Variants in IMMP2L observed in about 807,000 individuals in gnomAD.
IMMP2L encodes mitochondrial inner membrane protease subunit 2.
A neutral mutation model predicts 19.3 loss-of-function variants in IMMP2L; 18 were observed. The ratio of observed to expected loss-of-function variants is 0.93; its 90% CI spans 0.64 to 1.38. The LOEUF (loss-of-function observed/expected upper bound fraction) is 1.38. Among genes scored for constraint, IMMP2L ranks in the 40% most tolerant of loss-of-function variants. IMMP2L has a pLI of 0.00. For missense variants in IMMP2L, 233 were observed against 218.2 expected, an observed-to-expected ratio of 1.07 and a Z score of -0.43; for synonymous variants, 76 against 73.0, an observed-to-expected ratio of 1.04 and a Z score of -0.21.
intron 3 of IMMP2L, among the ~76,000 whole-genome samples, chr7:111,367,886 T>C (rs1014177263): frequency 3.3e-5 from 5 of 151,864 alleles, no homozygotes; most frequent in African/African-American, 1.2e-4. Flanking sequence ...CAATAGATGA[T>C]AGCTATTATT....
chr7:110,948,180 T>A (rs1053770739), intron 4 of IMMP2L, among the ~76,000 whole-genome samples: 1 of 152,270 alleles, frequency 6.6e-6, no homozygotes. Context: ...TAGAGATACT[T>A]TTTTTAAAAA....
At chr7:111,045,678 G>A (rs1454149850) in intron 3 of IMMP2L, among the ~76,000 whole-genome samples, 1 of 152,186 alleles carries the variant, frequency 6.6e-6, no homozygotes, top group South Asian at 2.1e-4. Context: ...AGGTGGAATG[G>A]AGCCATGAGC....
chr7:110,792,311 C>T (rs1800514045), intron 5 of IMMP2L, among the ~76,000 whole-genome samples: 1 of 151,712 alleles, frequency 6.6e-6, no homozygotes, highest in South Asian at 2.1e-4. Context: ...TGTGAAAGGA[C>T]TGGCATACAG....
rs1219529634 is a variant in IMMP2L, at chr7:111,123,430, G to T, written c.240-159865C>A. On this transcript the variant is annotated intron_variant, in intron 3 of 5. Transcript: ENST00000405709. The surrounding 1 kb of genome is among the most constrained non-coding windows in gnomAD (Gnocchi z 6.4). Reference sequence around the variant, plus strand: ...TATCAATCTTCGCAGCCTGGTTATAGCTGGTATAAACCTCACAGAAATACC... The same window carrying T: ...TATCAATCTTCGCAGCCTGGTTATATCTGGTATAAACCTCACAGAAATACC... 26 of 1,613,488 alleles carry T rather than the reference G, an allele frequency of 1.6e-5. No homozygotes were observed. The highest frequency in any genetic ancestry group is 2.1e-5 in the Non-Finnish European group (25 of 1,179,850).
intron 5 of IMMP2L, among the ~76,000 whole-genome samples, chr7:110,816,950 C>A (rs937279301): frequency 4.6e-5 from 7 of 152,210 alleles, no homozygotes; most frequent in African/African-American, 1.4e-4. Flanking sequence ...TTAATTGGAG[C>A]ATTTAGCCCA....
intron 3 of IMMP2L, among the ~76,000 whole-genome samples, chr7:111,320,570 G>A (rs1824578372): frequency 6.6e-6 from 1 of 151,976 alleles, no homozygotes; most frequent in South Asian, 2.1e-4. Flanking sequence ...CTGTTTACAA[G>A]GCCCTTGATA....
chr7:110,876,948 TA>T (rs1397458577), intron 5 of IMMP2L, among the ~76,000 whole-genome samples: 1 of 152,160 alleles, frequency 6.6e-6, no homozygotes, highest in Non-Finnish European at 1.5e-5. Flanking sequence ...CTAATCTTTC[TA>T]AAGTTATCTA....
intron 3 of IMMP2L, among the ~76,000 whole-genome samples, chr7:111,313,277 A>T (rs2130327611): frequency 6.6e-6 from 1 of 152,206 alleles, no homozygotes; most frequent in African/African-American, 2.4e-5. Flanking sequence ...CCTACCTTAC[A>T]ATCTTTCAAG....
chr7:110,998,769 C>G (rs902611277), intron 3 of IMMP2L, among the ~76,000 whole-genome samples: 1 of 152,076 alleles, frequency 6.6e-6, no homozygotes, highest in Non-Finnish European at 1.5e-5. Flanking sequence ...AAAGCCTGGG[C>G]TAGAAAACGG....
chr7:111,097,098 T>C (rs1048942531), intron 3 of IMMP2L: 3 of 151,854 alleles, frequency 2.0e-5, no homozygotes, highest in Non-Finnish European at 4.4e-5. Context: ...ACTTTTTGCA[T>C]GTTTGCATAA....
chr7:111,475,241 T>G (rs1216348858), intron 3 of IMMP2L, among the ~76,000 whole-genome samples: 1 of 151,974 alleles, frequency 6.6e-6, no homozygotes, highest in Non-Finnish European at 1.5e-5. Flanking sequence ...TTAATGGAAA[T>G]AAACAATTTT....
intron 3 of IMMP2L, among the ~76,000 whole-genome samples, chr7:111,186,531 C>T (rs920096958): frequency 3.9e-5 from 6 of 152,006 alleles, no homozygotes; most frequent in African/African-American, 7.3e-5. Flanking sequence ...AGGGTTCCAG[C>T]GATTCTCCTG....
At chr7:111,451,226 G>A (rs1839132371) in intron 3 of IMMP2L, among the ~76,000 whole-genome samples, 1 of 144,366 alleles carries the variant, frequency 6.9e-6, no homozygotes, top group African/African-American at 2.8e-5. Context: ...ACCCCCAAAT[G>A]ACTATAAATC....
intron 4 of IMMP2L, among the ~76,000 whole-genome samples, chr7:110,922,120 G>T (rs1198775809): frequency 3.9e-5 from 6 of 152,126 alleles, no homozygotes; most frequent in African/African-American, 1.4e-4. Context: ...GTGCCAAGAT[G>T]CTACAAAAAC....
intron 4 of IMMP2L, among the ~76,000 whole-genome samples, chr7:110,916,699 T>C (rs1813650415): frequency 6.6e-6 from 1 of 152,260 alleles, no homozygotes; most frequent in South Asian, 2.1e-4. Flanking sequence ...TATGTTTTCT[T>C]TGCTTGTGGC....
chr7:110,985,698 G>A (rs888133206), intron 3 of IMMP2L, among the ~76,000 whole-genome samples: 3 of 152,178 alleles, frequency 2.0e-5, no homozygotes, highest in Admixed American at 6.5e-5. Flanking sequence ...AAATACTGAA[G>A]TTCTTCAGTT....
chr7:111,029,996 C>T (rs916893177), intron 3 of IMMP2L, among the ~76,000 whole-genome samples: 2 of 152,098 alleles, frequency 1.3e-5, no homozygotes, highest in African/African-American at 4.8e-5. Context: ...ATCATAGAAT[C>T]CCAAAACCCA....
At chr7:111,006,828 A>C (rs1824337041) in intron 3 of IMMP2L, among the ~76,000 whole-genome samples, 1 of 152,134 alleles carries the variant, frequency 6.6e-6, no homozygotes, top group Non-Finnish European at 1.5e-5. Flanking sequence ...AACCACTCTA[A>C]GAATTCCCTT....
At chr7:111,265,574 G>A (rs1817743826) in intron 3 of IMMP2L, among the ~76,000 whole-genome samples, 1 of 152,134 alleles carries the variant, frequency 6.6e-6, no homozygotes, top group Admixed American at 6.6e-5. Flanking sequence ...GAGATGGACT[G>A]TGAAACATGG....
Sources: gnomAD v4.1 joint callset for allele counts (sites outside exome capture counted in the v4.1 genomes callset) on GRCh38, gnomAD v4.1.1 for gene constraint, Gnocchi (gnomAD v3.1) non-coding constraint, MANE v1.5 for transcripts, NCBI Gene and HGNC (gene_info 2026-07-23, HGNC 2026-07-21) for gene names.